Variants in NCAM2 observed in about 807,000 individuals in gnomAD.
NCAM2 encodes the protein N-CAM-2.
NCAM2 carries 30 observed loss-of-function variants against 98.1 expected under a neutral mutation model. The ratio of observed to expected loss-of-function variants is 0.31; its 90% CI spans 0.23 to 0.41. NCAM2 has a LOEUF of 0.41. Ranked by LOEUF, NCAM2 falls within the 10% of genes least tolerant of loss-of-function variation. The pLI is 1.00. For missense variants in NCAM2, 867 were observed against 1,005.8 expected (o/e 0.86, Z 1.87); for synonymous variants, 368 against 342.4 (o/e 1.07, Z -0.83).
intron 1 of NCAM2, among the ~76,000 whole-genome samples, chr21:21,002,437 G>A (rs1045620362): frequency 6.6e-6 from 1 of 152,062 alleles, no homozygotes; most frequent in Non-Finnish European, 1.5e-5. Context: ...TCAAAAATAG[G>A]ACTAGTTTGC....
intron 1 of NCAM2, among the ~76,000 whole-genome samples, chr21:21,012,627 A>G (rs2064231511): frequency 6.6e-6 from 1 of 152,128 alleles, no homozygotes; most frequent in South Asian, 2.1e-4. Flanking sequence ...TTATGCACTT[A>G]CCTGAAGTTG....
intron 1 of NCAM2, among the ~76,000 whole-genome samples, chr21:21,227,245 A>G (rs1360423122): frequency 2.0e-5 from 3 of 151,900 alleles, no homozygotes; most frequent in Non-Finnish European, 2.9e-5. Context: ...ACAGTAAATC[A>G]AGAGGATCTA....
intron 10 of NCAM2, 69 bp downstream of exon 10, chr21:21,410,530 T>G (rs2076835306): frequency 1.1e-6 from 1 of 878,268 alleles, no homozygotes; most frequent in Non-Finnish European, 1.6e-6. Context: ...AGAATATATT[T>G]AAATATCTTC....
chr21:21,442,679 A>C (rs531980957), intron 12 of NCAM2, among the ~76,000 whole-genome samples: 2 of 152,276 alleles, frequency 1.3e-5, no homozygotes, highest in Admixed American at 1.3e-4. Flanking sequence ...GAGGGGAAAG[A>C]AAAGGCCCAT....
chr21:21,447,713 C>A (rs1327982846), intron 12 of NCAM2, among the ~76,000 whole-genome samples: 1 of 152,052 alleles, frequency 6.6e-6, no homozygotes, highest in Non-Finnish European at 1.5e-5. Flanking sequence ...AAACAAACAA[C>A]CCCATCAAAA....
intron 1 of NCAM2, among the ~76,000 whole-genome samples, chr21:21,085,632 C>A (rs181854797): frequency 6.6e-6 from 1 of 152,068 alleles, no homozygotes; most frequent in Admixed American, 6.6e-5. Flanking sequence ...GAACACTATG[C>A]GCCCTTTCTG....
chr21:21,166,359 C>G (rs1024468297), intron 1 of NCAM2, among the ~76,000 whole-genome samples: 2 of 152,142 alleles, frequency 1.3e-5, no homozygotes, highest in Non-Finnish European at 2.9e-5. Flanking sequence ...AGGCGCCCAC[C>G]ACCACGCCCA....
At chr21:21,518,067 G>A (rs1447896138) in intron 16 of NCAM2, among the ~76,000 whole-genome samples, 1 of 152,070 alleles carries the variant, frequency 6.6e-6, no homozygotes, top group African/African-American at 2.4e-5. Context: ...TGTGACATAA[G>A]TAAAGAAATG....
intron 1 of NCAM2, among the ~76,000 whole-genome samples, chr21:21,122,810 A>G (rs2066703136): frequency 2.0e-5 from 3 of 152,168 alleles, no homozygotes; most frequent in Non-Finnish European, 4.4e-5. Context: ...CTACTAGCCT[A>G]GGCAAGTTAA....
At chr21:21,521,979 A>T (rs1282372157) in intron 16 of NCAM2, among the ~76,000 whole-genome samples, 1 of 150,252 alleles carries the variant, frequency 6.7e-6, no homozygotes, top group African/African-American at 2.4e-5. Flanking sequence ...CATCATATTC[A>T]AACTGCAGAA....
At chr21:21,250,584 G>A (rs937121489) in intron 1 of NCAM2, among the ~76,000 whole-genome samples, 2 of 152,090 alleles carry the variant, frequency 1.3e-5, no homozygotes, top group African/African-American at 4.8e-5. Context: ...GAGACCAGGT[G>A]GAGACCCCTG....
At chr21:21,129,220 C>G (rs1349651068) in intron 1 of NCAM2, among the ~76,000 whole-genome samples, 2 of 151,952 alleles carry the variant, frequency 1.3e-5, no homozygotes, top group African/African-American at 2.4e-5. Flanking sequence ...ACAGACTTAC[C>G]TTTATCAAAC....
At chr21:21,153,346 T>C (rs1325516137) in intron 1 of NCAM2, among the ~76,000 whole-genome samples, 1 of 151,852 alleles carries the variant, frequency 6.6e-6, no homozygotes, top group African/African-American at 2.4e-5. Flanking sequence ...AATGTCTTCT[T>C]TATATGCTGT....
At chr21:21,291,447 G>C (rs2073288676) in intron 4 of NCAM2, among the ~76,000 whole-genome samples, 1 of 151,508 alleles carries the variant, frequency 6.6e-6, no homozygotes, top group Admixed American at 6.6e-5. Context: ...AATGCAGGCT[G>C]TATACCAGCT....
intron 16 of NCAM2, among the ~76,000 whole-genome samples, chr21:21,523,617 T>C (rs1268866089): frequency 1.3e-5 from 2 of 152,042 alleles, no homozygotes; most frequent in Non-Finnish European, 1.5e-5. Context: ...ATAAGATAAA[T>C]GAATGGTAAC....
intron 9 of NCAM2, among the ~76,000 whole-genome samples, chr21:21,384,452 A>G (rs1424994139): frequency 6.6e-6 from 1 of 151,788 alleles, no homozygotes; most frequent in African/African-American, 2.4e-5. Context: ...GTATTTCTTT[A>G]CATACATTCC....
At chr21:21,283,891 A>G (rs2073011732) in intron 2 of NCAM2, among the ~76,000 whole-genome samples, 1 of 151,976 alleles carries the variant, frequency 6.6e-6, no homozygotes, top group Admixed American at 6.6e-5. Context: ...ACTTAAATGT[A>G]ATAATCCATT....
intron 1 of NCAM2, among the ~76,000 whole-genome samples, chr21:21,072,022 C>T (rs979646117): frequency 2.0e-5 from 3 of 152,010 alleles, no homozygotes; most frequent in Admixed American, 1.3e-4. Flanking sequence ...ACGCCATTCT[C>T]CTGCCTCAGC....
intron 1 of NCAM2, among the ~76,000 whole-genome samples, chr21:21,240,574 C>T (rs1020797818): frequency 6.6e-6 from 1 of 152,312 alleles, no homozygotes; most frequent in African/African-American, 2.4e-5. Context: ...TAATTACCCA[C>T]GTTGTCTCTG....
Sources: gnomAD v4.1 joint callset for allele counts (sites outside exome capture counted in the v4.1 genomes callset) on GRCh38, gnomAD v4.1.1 for gene constraint, MANE v1.5 for transcripts, NCBI Gene and HGNC (gene_info 2026-07-23, HGNC 2026-07-21) for gene names.